The following LAMB4 variants were observed in gnomAD, a reference collection of about 807,000 sequenced individuals.
LAMB4 encodes the protein laminin subunit beta-4.
A neutral mutation model predicts 199.2 loss-of-function variants in LAMB4; 196 were observed. That is an observed-to-expected ratio of 0.98 (90% CI 0.88 to 1.11). LAMB4 has a LOEUF of 1.11. Among genes scored for constraint, LAMB4 ranks in the 50% least tolerant of loss-of-function variants. The pLI is 0.00. For synonymous variants in LAMB4, 744 were observed against 770.6 expected (o/e 0.97, Z 0.57); for missense variants, 2,080 against 2,171.2 (o/e 0.96, Z 0.83).
At chr7:108,063,028 C>T in intron 22 of LAMB4, 34 bp from the exon 23 acceptor site, 1 of 1,410,334 alleles carries the variant, frequency 7.1e-7, no homozygotes, top group Non-Finnish European at 9.6e-7. Flanking sequence ...GAGGTAAATT[C>T]AATGATAAAT....
chr7:108,067,994 C>A (rs746576695), intron 19 of LAMB4, 22 bp downstream of exon 19: 1 of 1,614,134 alleles, frequency 6.2e-7, no homozygotes, highest in Non-Finnish European at 8.5e-7. Context: ...AAGTGTTTCC[C>A]CTTGTGTGTT....
rs2034996318 is a variant in LAMB4, at chr7:108,030,716, G to A, written c.4992+90C>T. 2.4e-6 allele frequency: 3 copies of A among 1,245,578 alleles called. No individual in the cohort carries two copies. In the South Asian group the frequency reaches 4.0e-5, roughly 17 times the overall value. 77.2% of individuals were successfully genotyped at this position (1,245,578 alleles called of 1,614,324 possible). A position where few individuals can be genotyped will look rare whatever the true frequency, so the allele number is the denominator to read the frequency against. On this transcript the variant is annotated intron_variant, in intron 32 of 33. Coordinates refer to ENST00000388781, the MANE Select transcript of LAMB4 (RefSeq NM_007356.3). ...CATGGACCAGCACAAAGGAAATGATGAGAAATGGCACAAAAATCTGGGGTT... is the reference window on the plus strand; with the variant it reads ...CATGGACCAGCACAAAGGAAATGATAAGAAATGGCACAAAAATCTGGGGTT...
Position 108,024,051 on chromosome 7 carries a change from C to A in LAMB4, c.5274G>T (p.Arg1758Ser). 1 of 1,608,780 alleles carries A rather than the reference C, an allele frequency of 6.2e-7. No individual in the cohort carries two copies. Among genetic ancestry groups the A allele is most frequent in the Non-Finnish European group, 8.5e-7 (1 of 1,178,334 alleles). The change falls in exon 34 of 34, where the codon AGG becomes AGT. Residue 1758 changes from arginine to serine, a missense_variant. Arg to Ser is a moderately radical substitution (Grantham distance 110). Coordinates refer to ENST00000388781, the MANE Select transcript of LAMB4 (RefSeq NM_007356.3). The part of the protein sequence containing the change: ...EIVEQEKKYA[R>S]CYS The stretch of plus-strand genomic sequence containing the variant: ...TCTTTAACTCTGCCTAGCTATAGCA[C>A]CTAGCATATTTTTTTTCTTGTTCAA...
At chr7:108,058,629 T>A (rs990539933) in intron 23 of LAMB4, among the ~76,000 whole-genome samples, 1 of 152,174 alleles carries the variant, frequency 6.6e-6, no homozygotes, top group Non-Finnish European at 1.5e-5. Context: ...ATTCTTAGAG[T>A]GACTGGATCT....
At chr7:108,021,581 T>A (rs1389744195), downstream of LAMB4, among the ~76,000 whole-genome samples, 1 of 151,956 alleles carries the variant, frequency 6.6e-6, no homozygotes, top group Non-Finnish European at 1.5e-5. Flanking sequence ...TGGTGGCACA[T>A]GTCTGTGATC....
chr7:108,119,390 A>G (rs2038520619), intron 2 of LAMB4, among the ~76,000 whole-genome samples: 1 of 152,202 alleles, frequency 6.6e-6, no homozygotes, highest in African/African-American at 2.4e-5. Flanking sequence ...AATGTCCTTC[A>G]CTGGGTGAAG....
chr7:108,098,107 C>A (rs435361), intron 11 of LAMB4, among the ~76,000 whole-genome samples: 5 of 151,908 alleles, frequency 3.3e-5, no homozygotes, highest in African/African-American at 1.2e-4. Context: ...CCGAGGTGGG[C>A]GGATCACTTG....
rs2036251416 is a variant in LAMB4 at position 108,063,922 on chromosome 7, C to T, written c.2900G>A (p.Cys967Tyr). ...YGNPRISGAP[C>Y]QPCACNNNID... The stretch of plus-strand genomic sequence containing the variant: ...GTTGTTGTTGCAGGCACATGGTTGG[C>T]AAGGTGCTCCTGAAATTCTTGGATT... Residue 967 changes from cysteine to tyrosine, a missense_variant, in exon 22 of 34, where the codon TGC becomes TAC. Cys to Tyr is a radical substitution (Grantham distance 194). Transcript: ENST00000388781. 3 of 1,614,012 alleles carry T rather than the reference C, an allele frequency of 1.9e-6. No individual in the cohort carries two copies. Among genetic ancestry groups the T allele is most frequent in the South Asian group, 1.1e-5 (1 of 91,082 alleles).
chr7:108,098,466 T>C lies in LAMB4; in HGVS notation c.1297A>G (p.Lys433Glu), dbSNP rs1441765579. 1.3e-6 allele frequency: 2 copies of C among 1,565,118 alleles called. No individual in the cohort carries two copies. ...TGGTTGGGTTTGCACTGGTCGCATT[T>C]GGCTCCTTCCACGTTCTCTTTACAA... ...CLCKENVEGA[K>E]CDQCKPNHYG... The change falls in exon 11 of 34, where the codon AAA becomes GAA. Residue 433 changes from lysine (K) to glutamate (E), a missense_variant. Physicochemically the swap from Lys to Glu is moderately conservative, Grantham distance 56. Transcript: ENST00000388781.
At chr7:108,094,375 G>T (rs548605218) in intron 12 of LAMB4, among the ~76,000 whole-genome samples, 124 of 152,166 alleles carry the variant, frequency 8.1e-4, no homozygotes, top group African/African-American at 2.9e-3. Context: ...CAGATTTTTT[G>T]ACTTGTCTTC....
At chr7:108,061,714 G>A (rs1341659398) in intron 23 of LAMB4, among the ~76,000 whole-genome samples, 1 of 148,126 alleles carries the variant, frequency 6.8e-6, no homozygotes, top group African/African-American at 2.6e-5. Context: ...CCTCAGGCCT[G>A]GGCAACAGAG....
intron 6 of LAMB4, among the ~76,000 whole-genome samples, chr7:108,106,964 A>G (rs1277995222): frequency 6.6e-6 from 1 of 152,214 alleles, no homozygotes; most frequent in Non-Finnish European, 1.5e-5. Context: ...TTGGGTTAGC[A>G]TATGAATAGA....
Position 108,107,821 on chromosome 7 carries a change from T to C in LAMB4, c.403-2A>G. On this transcript the variant is annotated splice_acceptor_variant, in intron 5 of 33. Coordinates refer to ENST00000388781, the MANE Select transcript of LAMB4 (RefSeq NM_007356.3). LOFTEE classifies it high-confidence loss of function. ...TAACATTGCAGCAGGCCGAAAAGTC[T>C]AGGAAAAATGAGTAAAAGTTGGCAC... 6.4e-7 allele frequency: 1 copy of C among 1,574,296 alleles called. No homozygotes were observed. Among genetic ancestry groups the C allele is most frequent in the Non-Finnish European group, 8.6e-7 (1 of 1,164,874 alleles).
At chr7:108,021,447 C>G (rs1003180660), downstream of LAMB4, among the ~76,000 whole-genome samples, 1 of 152,108 alleles carries the variant, frequency 6.6e-6, no homozygotes, top group Non-Finnish European at 1.5e-5. Context: ...TGGTGGCTCA[C>G]GCCTGTAATC....
chr7:108,024,235 T>A (rs2034758087), intron 33 of LAMB4, 57 bp from the exon 34 acceptor site: 1 of 1,035,166 alleles, frequency 9.7e-7, no homozygotes, highest in Non-Finnish European at 1.4e-6. Flanking sequence ...TCCTGCTGGA[T>A]ACCTACATTA....
rs375377087 is a variant in LAMB4 at position 108,030,927 on chromosome 7, C to T, written c.4871G>A (p.Arg1624Gln). Residue 1624 changes from arginine (R) to glutamine (Q), a missense_variant, in exon 32 of 34, where the codon CGA becomes CAA. Arg to Gln is a conservative substitution (Grantham distance 43). Coordinates refer to ENST00000388781, the MANE Select transcript of LAMB4 (RefSeq NM_007356.3). ...GGAAAGTCCATCCTCCAGCCCTGAT[C>T]GCTGCTTTGCTAACTCCAGCTCACT... Reference protein sequence around the residue: ...MKSELELAKQRSGLEDGLSLL... With the variant: ...MKSELELAKQQSGLEDGLSLL... The T allele has an allele frequency of 1.2e-5, 19 of 1,613,890 alleles. No homozygotes were observed. The highest frequency in any genetic ancestry group is 9.3e-5 in the African/African-American group (7 of 74,876).
In LAMB4 at chr7:108,048,258, G is replaced by A. The variant is rs1279157487; in HGVS notation, c.4123-147C>T. On this transcript the variant is annotated intron_variant, in intron 27 of 33. Transcript: ENST00000388781. ...TGGCTCACTGCAACGTTCTCCTCCTGGGTTCAAGAGATTCTCCTGCCTCAG... is the reference window on the plus strand; with the variant it reads ...TGGCTCACTGCAACGTTCTCCTCCTAGGTTCAAGAGATTCTCCTGCCTCAG... 6.4e-6 allele frequency: 4 copies of A among 625,258 alleles called. No homozygotes were observed. The East Asian group carries it at 1.2e-4, about 18-fold the overall frequency. 38.7% of individuals were successfully genotyped at this position (625,258 alleles called of 1,614,324 possible).
At chr7:108,065,042 G>A (rs2036287952) in intron 21 of LAMB4, among the ~76,000 whole-genome samples, 1 of 151,732 alleles carries the variant, frequency 6.6e-6, no homozygotes, top group South Asian at 2.1e-4. Flanking sequence ...AGTACCTAGG[G>A]CTACAGGTGC....
intron 4 of LAMB4, among the ~76,000 whole-genome samples, chr7:108,110,547 G>A (rs1212605370): frequency 6.6e-6 from 1 of 152,194 alleles, no homozygotes; most frequent in African/African-American, 2.4e-5. Context: ...TTGCTGCTGA[G>A]TGGGCAGCCA....
Sources: gnomAD v4.1 joint callset for allele counts (sites outside exome capture counted in the v4.1 genomes callset) on GRCh38, gnomAD v4.1.1 for gene constraint, MANE v1.5 for transcripts, NCBI Gene and HGNC (gene_info 2026-07-23, HGNC 2026-07-21) for gene names.